Variants in SYCP2L observed in about 807,000 individuals in gnomAD.
SYCP2L encodes the protein synaptonemal complex protein 2-like.
Under a neutral mutation model 125.8 loss-of-function variants are expected in SYCP2L, and 98 were observed. That is an observed-to-expected ratio of 0.78 (90% CI 0.66 to 0.92). SYCP2L has a LOEUF of 0.92. SYCP2L is among the 40% of genes least tolerant of loss of function. The pLI is 0.00. For missense variants in SYCP2L, 842 were observed against 936.4 expected, an observed-to-expected ratio of 0.90 and a Z score of 1.32; for synonymous variants, 317 against 325.4, an observed-to-expected ratio of 0.97 and a Z score of 0.28.
At chr6:10,922,405 G>A (rs12190237) in intron 14 of SYCP2L, among the ~76,000 whole-genome samples, 35,216 of 151,820 alleles carry the variant, frequency 0.23, 4,454 homozygotes, top group Non-Finnish European at 0.29. Context: ...TAGCCCTCAT[G>A]GTATTTCTTC....
At chr6:10,889,786 A>G (rs1293890226) in intron 1 of SYCP2L, among the ~76,000 whole-genome samples, 2 of 151,704 alleles carry the variant, frequency 1.3e-5, no homozygotes, top group East Asian at 1.9e-4. Flanking sequence ...CTGCCCGGAT[A>G]ATTTTCTATT....
chr6:10,949,975 C>T (rs1781382060), intron 23 of SYCP2L, among the ~76,000 whole-genome samples: 1 of 151,930 alleles, frequency 6.6e-6, no homozygotes, highest in Admixed American at 6.6e-5. Flanking sequence ...TAATCATTTT[C>T]CCCCTTTTCC....
In SYCP2L at chr6:10,914,361, A is replaced by G. The variant is rs183326702; in HGVS notation, c.1072+1434A>G. ...GTTCTCTATTCTGTTCCATTGGTCT[A>G]TGTGCCTATTTTTATACCAGTACCA... On this transcript the variant is annotated intron_variant, in intron 14 of 29. Coordinates refer to ENST00000283141, the MANE Select transcript of SYCP2L (RefSeq NM_001040274.3). Among the ~76,000 whole-genome samples the G allele has an allele frequency of 4.6e-5, 7 of 152,126 alleles. No homozygotes were observed. In the East Asian group the frequency reaches 9.6e-4, roughly 21 times the overall value.
chr6:10,927,305 A>G lies in SYCP2L; in HGVS notation c.1378A>G (p.Thr460Ala). ...MSAEDDRCLITLHLNDQSEPP... is the reference protein window; with the variant it reads ...MSAEDDRCLIALHLNDQSEPP... ...TGCTGAAGATGACCGCTGCCTAATA[A>G]CTCTCCACTTAAATGACCAATCTGA... is the stretch of plus-strand genomic sequence containing the variant. The change falls in exon 17 of 30, where the codon ACT becomes GCT. Residue 460 changes from threonine to alanine, a missense_variant. By Grantham distance (58) the Thr-to-Ala change is moderately conservative. Coordinates refer to ENST00000283141, the MANE Select transcript of SYCP2L (RefSeq NM_001040274.3). 2 of 1,613,966 alleles carry G rather than the reference A, an allele frequency of 1.2e-6. No homozygotes were observed. Among genetic ancestry groups the G allele is most frequent in the Non-Finnish European group, 1.7e-6 (2 of 1,179,964 alleles).
At chr6:10,929,353 T>C (rs1780952189) in intron 18 of SYCP2L, among the ~76,000 whole-genome samples, 1 of 152,146 alleles carries the variant, frequency 6.6e-6, no homozygotes, top group Non-Finnish European at 1.5e-5. Flanking sequence ...GAGAATGAAC[T>C]ATTAGCAGCT....
At chr6:10,946,786 C>T (rs1254227610) in intron 23 of SYCP2L, among the ~76,000 whole-genome samples, 1 of 151,668 alleles carries the variant, frequency 6.6e-6, no homozygotes, top group African/African-American at 2.4e-5. Context: ...GGTAATGTTC[C>T]ACTTATTAAA....
intron 8 of SYCP2L, among the ~76,000 whole-genome samples, chr6:10,905,373 A>C (rs1780470577): frequency 6.6e-6 from 1 of 150,896 alleles, no homozygotes; most frequent in Admixed American, 6.6e-5. Context: ...GCTCACTGCA[A>C]CCTCCGCCTC....
At chr6:10,968,423 G>A (rs1011425431) in intron 29 of SYCP2L, among the ~76,000 whole-genome samples, 2 of 152,160 alleles carry the variant, frequency 1.3e-5, no homozygotes, top group Non-Finnish European at 2.9e-5. Flanking sequence ...CAGCAGGGAG[G>A]TTTCTGTGAG....
intron 25 of SYCP2L, 109 bp from the exon 26 acceptor site, chr6:10,958,675 T>C (rs1781544912): frequency 2.0e-6 from 2 of 1,005,606 alleles, no homozygotes; most frequent in African/African-American, 1.6e-5. Context: ...CACTCACATT[T>C]GCTATGAATA....
At chr6:10,967,454 G>GGGGGGTGTGT (rs56098075) in intron 29 of SYCP2L, among the ~76,000 whole-genome samples, 6 of 138,838 alleles carry the variant, frequency 4.3e-5, no homozygotes, top group Non-Finnish European at 7.8e-5. Context: ...TGGGGTAGAG[G>GGGGGGTGTGT]GTGTGTGTGT....
chr6:10,902,211 A>C (rs2113300642), intron 6 of SYCP2L, among the ~76,000 whole-genome samples: 1 of 152,324 alleles, frequency 6.6e-6, no homozygotes, highest in East Asian at 1.9e-4. Context: ...AGTCCATTAC[A>C]GTTACTTTCT....
At chr6:10,925,380 C>T (rs991044291) in intron 15 of SYCP2L, among the ~76,000 whole-genome samples, 2 of 152,196 alleles carry the variant, frequency 1.3e-5, no homozygotes, top group African/African-American at 4.8e-5. Flanking sequence ...TTCTGAGGGA[C>T]TTTTTCCACA....
At chr6:10,906,516 A>G (rs918152595) in intron 9 of SYCP2L, among the ~76,000 whole-genome samples, 5 of 152,186 alleles carry the variant, frequency 3.3e-5, no homozygotes, top group Non-Finnish European at 7.3e-5. Context: ...ATTGTTTGAA[A>G]TTTAAACATG....
chr6:10,891,321 G>A (rs1780167377), intron 1 of SYCP2L, among the ~76,000 whole-genome samples, 192 bp from the exon 2 acceptor site: 1 of 151,634 alleles, frequency 6.6e-6, no homozygotes, highest in Admixed American at 6.6e-5. Context: ...AAAGAAGGTT[G>A]GATAAAGTTT....
At chr6:10,895,789 A>C (rs1027538902) in intron 4 of SYCP2L, among the ~76,000 whole-genome samples, 1 of 151,164 alleles carries the variant, frequency 6.6e-6, no homozygotes, top group Non-Finnish European at 1.5e-5. Flanking sequence ...CGCCTGGCCA[A>C]CTCTATACTT....
chr6:10,898,435 C>T (rs1485640501), intron 5 of SYCP2L, among the ~76,000 whole-genome samples: 1 of 152,102 alleles, frequency 6.6e-6, no homozygotes, highest in African/African-American at 2.4e-5. Context: ...ATCGCTTGAA[C>T]CTGGGAGGCG....
intron 14 of SYCP2L, among the ~76,000 whole-genome samples, chr6:10,920,492 C>T (rs1780776857): frequency 6.6e-6 from 1 of 152,240 alleles, no homozygotes; most frequent in Non-Finnish European, 1.5e-5. Flanking sequence ...GCTGAGATTA[C>T]AGGCGTGAGA....
rs878921401 is a variant in SYCP2L at position 10,891,362 on chromosome 6, G to A, written c.10-151G>A. On this transcript the variant is annotated intron_variant, in intron 1 of 29. Coordinates refer to ENST00000283141, the MANE Select transcript of SYCP2L (RefSeq NM_001040274.3). ...TTTTTTCTAAGTACTATTTTACTTA[G>A]ACCTATAATATGAGCAAACAAAAAT... The A allele has an allele frequency of 5.1e-6, 3 of 593,738 alleles. No homozygotes were observed. In the Admixed American group the frequency reaches 9.6e-5, roughly 19 times the overall value. The allele number at this position is 593,738 out of a possible 1,614,324, so 36.8% of individuals were successfully genotyped here. A position where few individuals can be genotyped will look rare whatever the true frequency, so the allele number is the denominator to read the frequency against.
intron 2 of SYCP2L, 82 bp downstream of exon 2, chr6:10,891,663 G>GTA (rs1337866520): frequency 1.2e-6 from 1 of 818,728 alleles, no homozygotes; most frequent in African/African-American, 1.9e-5. Context: ...GTGTGTGTGT[G>GTA]TATGTGTATA....
Sources: allele counts gnomAD v4.1 joint callset (sites outside exome capture counted in the v4.1 genomes callset), GRCh38; gene constraint gnomAD v4.1.1; transcripts MANE v1.5; gene names NCBI Gene and HGNC (gene_info 2026-07-23, HGNC 2026-07-21).